TMEM131L: variants seen among roughly 807,000 people sequenced by gnomAD.
TMEM131L encodes the protein transmembrane 131 like.
In TMEM131L, 54 loss-of-function variants were observed where a neutral mutation model predicts 192.2. The observed-to-expected ratio is 0.28, with a 90% confidence interval of 0.23 to 0.35. The LOEUF (loss-of-function observed/expected upper bound fraction) is 0.35, where lower values mean the gene tolerates loss of function less well. Ranked by LOEUF, TMEM131L falls within the 10% of genes least tolerant of loss-of-function variation. The pLI is 1.00. For synonymous variants in TMEM131L, 701 were observed against 704.9 expected (o/e 0.99, Z 0.09); for missense variants, 1,888 against 1,972.9 (o/e 0.96, Z 0.82).
intron 25 of TMEM131L, among the ~76,000 whole-genome samples, chr4:153,606,147 G>C (rs139488966): frequency 2.6e-5 from 4 of 152,268 alleles, no homozygotes; most frequent in African/African-American, 4.8e-5. Context: ...GTCTTATTCT[G>C]TTTCTCTCCC....
intron 21 of TMEM131L, among the ~76,000 whole-genome samples, chr4:153,599,837 C>T (rs1051217689): frequency 8.6e-5 from 13 of 151,970 alleles, no homozygotes; most frequent in African/African-American, 2.9e-4. Context: ...GCAGGTGGAT[C>T]ACCTGAGGTC....
chr4:153,635,759 T>G (rs41280473), intron 34 of TMEM131L, among the ~76,000 whole-genome samples, 188 bp downstream of exon 34: 3,296 of 152,326 alleles, frequency 0.022, 92 homozygotes, highest in Admixed American at 0.077. Flanking sequence ...AATAATTAGA[T>G]GGGTGGGGTC....
intron 3 of TMEM131L, among the ~76,000 whole-genome samples, chr4:153,500,943 A>G (rs975559693): frequency 2.0e-5 from 3 of 152,202 alleles, no homozygotes; most frequent in African/African-American, 7.2e-5. Flanking sequence ...AGGTTAATAA[A>G]AACCTATAGT....
chr4:153,527,787 G>A (rs1270859670), intron 3 of TMEM131L, among the ~76,000 whole-genome samples: 1 of 152,176 alleles, frequency 6.6e-6, no homozygotes, highest in Non-Finnish European at 1.5e-5. Flanking sequence ...GCAGCGTGTG[G>A]CTGAGCCTGG....
intron 4 of TMEM131L, among the ~76,000 whole-genome samples, chr4:153,551,036 G>A (rs1459378000): frequency 2.0e-5 from 3 of 152,212 alleles, no homozygotes; most frequent in African/African-American, 7.2e-5. Context: ...CTTGTTGTCC[G>A]TGATAAAGTT....
At chr4:153,611,209 C>T (rs539635934) in intron 25 of TMEM131L, among the ~76,000 whole-genome samples, 2 of 152,234 alleles carry the variant, frequency 1.3e-5, no homozygotes, top group Non-Finnish European at 2.9e-5. Context: ...GGAGGACCTT[C>T]CATGAAACAG....
At chr4:153,588,844 TTA>T (rs1730873571) in intron 15 of TMEM131L, 44 bp from the exon 16 acceptor site, 9 of 1,016,350 alleles carry the variant, frequency 8.9e-6, no homozygotes, top group Non-Finnish European at 1.4e-5. Context: ...ACTAATTGAA[TTA>T]TGTTTTCTGT....
chr4:153,530,846 C>T (rs1296900677), intron 3 of TMEM131L, among the ~76,000 whole-genome samples: 1 of 152,140 alleles, frequency 6.6e-6, no homozygotes, highest in Non-Finnish European at 1.5e-5. Flanking sequence ...GGCAGAGGCA[C>T]CAGCACCCCT....
At chr4:153,586,598 C>T (rs932683398) in intron 14 of TMEM131L, among the ~76,000 whole-genome samples, 1 of 152,038 alleles carries the variant, frequency 6.6e-6, no homozygotes, top group Admixed American at 6.6e-5. Flanking sequence ...ATTTGAAGTT[C>T]TTGAATGAAA....
chr4:153,589,386 T>C (rs530380832), intron 16 of TMEM131L, among the ~76,000 whole-genome samples: 1 of 152,276 alleles, frequency 6.6e-6, no homozygotes, highest in South Asian at 2.1e-4. Flanking sequence ...AAAAGCACTG[T>C]GACGCCAGGA....
chr4:153,506,661 G>A (rs1375341838), intron 3 of TMEM131L, among the ~76,000 whole-genome samples: 1 of 151,998 alleles, frequency 6.6e-6, no homozygotes, highest in Non-Finnish European at 1.5e-5. Context: ...GGCCAACATG[G>A]TGAAACCTCA....
chr4:153,572,039 T>C (rs918853065), intron 7 of TMEM131L, among the ~76,000 whole-genome samples: 1 of 152,226 alleles, frequency 6.6e-6, no homozygotes, highest in South Asian at 2.1e-4. Context: ...GATGTTGTTT[T>C]CTTTTTTTTT....
chr4:153,587,658 A>G lies in TMEM131L; in HGVS notation c.1483-84A>G, dbSNP rs1280607836. On this transcript the variant is annotated intron_variant, in intron 14 of 34. Transcript: ENST00000409959. ...GGGAAGTTCACTGAGGTGCAGACCA[A>G]TGTCTGCTTTGAATTTTAGTGCATT... The G allele has an allele frequency of 4.0e-6, 4 of 987,692 alleles. No homozygotes were observed. In the East Asian group the frequency reaches 9.6e-5, roughly 24 times the overall value. 61.2% of individuals were successfully genotyped at this position (987,692 alleles called of 1,614,324 possible).
intron 7 of TMEM131L, among the ~76,000 whole-genome samples, chr4:153,575,999 G>T (rs1193899021): frequency 6.7e-6 from 1 of 149,686 alleles, no homozygotes; most frequent in Non-Finnish European, 1.5e-5. Flanking sequence ...TCACGCTGTT[G>T]CCCAGGTTGG....
chr4:153,539,143 T>C (rs905911326), intron 3 of TMEM131L, among the ~76,000 whole-genome samples: 2 of 152,126 alleles, frequency 1.3e-5, no homozygotes, highest in African/African-American at 4.8e-5. Context: ...TCATACAACA[T>C]ATGTTTAAGT....
At chr4:153,571,265 G>C (rs1226149810) in intron 7 of TMEM131L, among the ~76,000 whole-genome samples, 4 of 152,104 alleles carry the variant, frequency 2.6e-5, no homozygotes, top group African/African-American at 4.8e-5. Context: ...TGTCCTGCCT[G>C]GTTCTCCTTT....
At chr4:153,467,935 C>A (rs1426878454) in intron 2 of TMEM131L, among the ~76,000 whole-genome samples, 1 of 152,150 alleles carries the variant, frequency 6.6e-6, no homozygotes, top group Non-Finnish European at 1.5e-5. Flanking sequence ...ACAAGAAATT[C>A]CCATTGACTG....
At chr4:153,634,886 G>T (rs1734463499) in intron 33 of TMEM131L, among the ~76,000 whole-genome samples, 2 of 152,204 alleles carry the variant, frequency 1.3e-5, no homozygotes, top group Non-Finnish European at 2.9e-5. Flanking sequence ...GCCCTTTCAG[G>T]GAAGGGATGT....
intron 25 of TMEM131L, among the ~76,000 whole-genome samples, chr4:153,607,382 CT>C (rs1229082043): frequency 6.6e-6 from 1 of 152,202 alleles, no homozygotes; most frequent in Non-Finnish European, 1.5e-5. Flanking sequence ...ATTGTAAGAT[CT>C]TTTCTAGAAT....
Sources: gnomAD v4.1 joint callset for allele counts (sites outside exome capture counted in the v4.1 genomes callset) on GRCh38, gnomAD v4.1.1 for gene constraint, MANE v1.5 for transcripts, NCBI Gene and HGNC (gene_info 2026-07-23, HGNC 2026-07-21) for gene names.